Variants in KANSL1 observed in about 807,000 individuals in gnomAD.
KANSL1 encodes MLL1/MLL complex subunit KANSL1.
In KANSL1, 22 loss-of-function variants were observed where a neutral mutation model predicts 103.6. That is an observed-to-expected ratio of 0.21 (90% confidence interval 0.15 to 0.30). The LOEUF is 0.30. Ranked by LOEUF, KANSL1 falls within the 10% of genes least tolerant of loss-of-function variation. The probability of loss-of-function intolerance (pLI) is 1.00; values close to 1 mark genes in which losing one functional copy is unlikely to be tolerated. For missense variants in KANSL1, 1,337 were observed against 1,399.8 expected, an observed-to-expected ratio of 0.96 and a Z score of 0.72; for synonymous variants, 600 against 527.6, an observed-to-expected ratio of 1.14 and a Z score of -1.88.
At chr17:46,074,693 G>C (rs2146738552) in intron 4 of KANSL1, among the ~76,000 whole-genome samples, 1 of 152,092 alleles carries the variant, frequency 6.6e-6, no homozygotes, top group Non-Finnish European at 1.5e-5. Flanking sequence ...AGCTGAGCCA[G>C]GGAGGTGAAG....
At chr17:46,066,487 T>C in intron 6 of KANSL1, 50 bp downstream of exon 6, 1 of 1,488,794 alleles carries the variant, frequency 6.7e-7, no homozygotes, top group Non-Finnish European at 9.1e-7. Flanking sequence ...TAACTCTATC[T>C]GAGCATCTGG....
chr17:46,174,847 G>A (rs2046445599), intron 1 of KANSL1, among the ~76,000 whole-genome samples: 1 of 152,106 alleles, frequency 6.6e-6, no homozygotes. Context: ...CTAATTTTTT[G>A]AATTTTTGTA....
In KANSL1 at chr17:46,193,101, G is replaced by C. The variant is rs1046233163; in HGVS notation, c.-368C>G. The C allele has an allele frequency of 6.6e-6, 1 of 152,188 alleles. No homozygotes were observed. The highest frequency in any genetic ancestry group is 2.4e-5 in the African/African-American group (1 of 41,304). 9.4% of individuals were successfully genotyped at this position (152,188 alleles called of 1,614,324 possible). On this transcript the variant is annotated 5_prime_UTR_variant, in exon 1 of 15. Transcript: ENST00000432791. The stretch of plus-strand genomic sequence containing the variant: ...TCCCGGCCTTGCTCCGCACCGACGG[G>C]GCCCGAGCACGGCTGGAGACCGCAG...
chr17:46,177,081 G>A (rs1408540364), intron 1 of KANSL1, among the ~76,000 whole-genome samples: 1 of 152,232 alleles, frequency 6.6e-6, no homozygotes, highest in Non-Finnish European at 1.5e-5. Context: ...ACTGACTCAA[G>A]TGAGCAAATC....
intron 4 of KANSL1, among the ~76,000 whole-genome samples, chr17:46,069,029 G>GA (rs2078483046): frequency 6.6e-6 from 1 of 152,128 alleles, no homozygotes; most frequent in African/African-American, 2.4e-5. Flanking sequence ...TGGTTCAAGC[G>GA]ATTCTCCTGC....
intron 6 of KANSL1, among the ~76,000 whole-genome samples, chr17:46,051,629 AAAGTCACCTG>A (rs1347836345): frequency 6.6e-6 from 1 of 152,232 alleles, no homozygotes; most frequent in Non-Finnish European, 1.5e-5. Flanking sequence ...CCTAACTCAT[AAAGTCACCTG>A]GACACACAGC....
rs980084725 is a variant in KANSL1 at position 46,031,260 on chromosome 17, G to A, written c.*216C>T. ...CATCCTGAACTTCTGTTTGCCAACG[G>A]GAGGAAGTGCTCAGGTGTGTGACAA... On this transcript the variant is annotated 3_prime_UTR_variant, in exon 15 of 15. Coordinates refer to ENST00000432791, the MANE Select transcript of KANSL1 (RefSeq NM_015443.4). 1.7e-6 allele frequency: 1 copy of A among 600,824 alleles called. No homozygotes were observed. Among genetic ancestry groups the A allele is most frequent in the Non-Finnish European group, 2.9e-6 (1 of 340,788 alleles). 37.2% of individuals were successfully genotyped at this position (600,824 alleles called of 1,614,324 possible).
chr17:46,115,455 C>T (rs2043002992), intron 2 of KANSL1, among the ~76,000 whole-genome samples: 1 of 151,996 alleles, frequency 6.6e-6, no homozygotes. Context: ...CGAGTGTCAA[C>T]AGTTCTATAT....
At chr17:46,147,572 T>TAAAAAAAAAAAAAAAAAAA (rs10717937) in intron 2 of KANSL1, among the ~76,000 whole-genome samples, 1 of 103,068 alleles carries the variant, frequency 9.7e-6, no homozygotes. Context: ...TGAGACTCTT[T>TAAAAAAAAAAAAAAAAAAA]AAAAAAAAAA....
At chr17:46,155,307 G>A (rs563049527) in intron 2 of KANSL1, among the ~76,000 whole-genome samples, 3 of 152,126 alleles carry the variant, frequency 2.0e-5, no homozygotes, top group South Asian at 4.1e-4. Flanking sequence ...ACAGGCGTGT[G>A]CGACCATGCC....
chr17:46,094,423 A>C (rs574274735), intron 3 of KANSL1, 137 bp downstream of exon 3: 1 of 1,069,092 alleles, frequency 9.4e-7, no homozygotes, highest in African/African-American at 1.7e-5. Context: ...TTAAACCACT[A>C]TATCAGGTCA....
At chr17:46,152,720 C>A (rs564976747) in intron 2 of KANSL1, among the ~76,000 whole-genome samples, 4 of 152,312 alleles carry the variant, frequency 2.6e-5, no homozygotes, top group East Asian at 3.9e-4. Flanking sequence ...AGCGAATTCA[C>A]TGATACCAAC....
intron 4 of KANSL1, among the ~76,000 whole-genome samples, chr17:46,080,679 A>G (rs1317153424): frequency 6.6e-6 from 1 of 152,028 alleles, no homozygotes; most frequent in East Asian, 1.9e-4. Context: ...ATAATAAACA[A>G]TGGAAATGTA....
At chr17:46,184,044 AT>A (rs2147855784) in intron 1 of KANSL1, among the ~76,000 whole-genome samples, 1 of 152,360 alleles carries the variant, frequency 6.6e-6, no homozygotes, top group South Asian at 2.1e-4. Flanking sequence ...AACATTGTCT[AT>A]TTGAGTTAAT....
chr17:46,209,093 G>T (rs928809383), intron 1 of KANSL1, among the ~76,000 whole-genome samples: 1 of 151,928 alleles, frequency 6.6e-6, no homozygotes, highest in African/African-American at 2.4e-5. Flanking sequence ...TGAGGCAGGA[G>T]AATTGCTTGA....
chr17:46,177,066 G>A (rs2046555566), intron 1 of KANSL1, among the ~76,000 whole-genome samples: 1 of 152,194 alleles, frequency 6.6e-6, no homozygotes, highest in Non-Finnish European at 1.5e-5. Context: ...ATAAGTAAGA[G>A]GAGCACTGAC....
chr17:46,194,848 A>G (rs979811167), upstream of KANSL1, among the ~76,000 whole-genome samples: 1 of 152,188 alleles, frequency 6.6e-6, no homozygotes, highest in Non-Finnish European at 1.5e-5. Flanking sequence ...TCTTCCCACA[A>G]AGTTACACTA....
chr17:46,170,684 C>G, intron 2 of KANSL1, 171 bp downstream of exon 2: 1 of 711,610 alleles, frequency 1.4e-6, no homozygotes, highest in Non-Finnish European at 2.3e-6. Context: ...AAGTATCTTC[C>G]CCTTCTTCAC....
At chr17:46,110,185 T>C (rs1318427136) in intron 2 of KANSL1, among the ~76,000 whole-genome samples, 1 of 152,250 alleles carries the variant, frequency 6.6e-6, no homozygotes, top group African/African-American at 2.4e-5. Flanking sequence ...AAGGGTAATA[T>C]AGTTAAAGCT....
Sources: allele counts gnomAD v4.1 joint callset (sites outside exome capture counted in the v4.1 genomes callset), GRCh38; gene constraint gnomAD v4.1.1; transcripts MANE v1.5; gene names NCBI Gene and HGNC (gene_info 2026-07-23, HGNC 2026-07-21).